Variants in ZNF704 observed in about 807,000 individuals in gnomAD.
ZNF704 encodes glucocorticoid induced gene 1.
ZNF704 carries 10 observed loss-of-function variants against 44.7 expected under a neutral mutation model. That is an observed-to-expected ratio of 0.22 (90% CI 0.14 to 0.38). The LOEUF (loss-of-function observed/expected upper bound fraction) is 0.38. Ranked by LOEUF, ZNF704 falls within the 10% of genes least tolerant of loss-of-function variation. The pLI, the probability that ZNF704 is intolerant of heterozygous loss-of-function variation, is 1.00. For missense variants in ZNF704, 390 were observed against 545.5 expected (o/e 0.71, Z 2.84); for synonymous variants, 211 against 207.6 (o/e 1.02, Z -0.14).
intron 1 of ZNF704, among the ~76,000 whole-genome samples, chr8:80,826,413 C>A (rs571522286): frequency 6.6e-5 from 10 of 152,174 alleles, no homozygotes; most frequent in African/African-American, 2.2e-4. Context: ...CAATAACAGG[C>A]TCTGAAATTG....
At chr8:80,856,298 G>C (rs371007723) in intron 1 of ZNF704, among the ~76,000 whole-genome samples, 88 of 152,194 alleles carry the variant, frequency 5.8e-4, no homozygotes, top group South Asian at 1.0e-3. Flanking sequence ...TACTTCAGAA[G>C]AATAACTTGT....
chr8:80,719,754 A>T (rs1819133459), intron 2 of ZNF704, among the ~76,000 whole-genome samples: 1 of 152,196 alleles, frequency 6.6e-6, no homozygotes, highest in Non-Finnish European at 1.5e-5. Context: ...GGATGGGAGA[A>T]AGCAGGTCAC....
At chr8:80,880,678 A>G in the ZNF704 span, among the ~76,000 whole-genome samples, 1 of 152,250 alleles carries the variant, frequency 6.6e-6, no homozygotes, top group African/African-American at 2.4e-5. Flanking sequence ...ATATGCATGA[A>G]TATTTTTATA....
intron 2 of ZNF704, among the ~76,000 whole-genome samples, chr8:80,762,244 T>C (rs1807144393): frequency 6.6e-6 from 1 of 152,194 alleles, no homozygotes; most frequent in African/African-American, 2.4e-5. Flanking sequence ...AAGTCATAAG[T>C]GACTGAATAG....
intron 2 of ZNF704, among the ~76,000 whole-genome samples, chr8:80,795,672 C>A (rs1191847480): frequency 1.3e-5 from 2 of 148,378 alleles, no homozygotes; most frequent in Non-Finnish European, 3.0e-5. Context: ...GAGCCGAGAT[C>A]GTGCCATTGC....
intron 1 of ZNF704, among the ~76,000 whole-genome samples, chr8:80,845,485 C>A (rs983223322): frequency 1.3e-5 from 2 of 152,212 alleles, no homozygotes; most frequent in Non-Finnish European, 2.9e-5. Context: ...CTGCATCCCT[C>A]TGTTAAGGAC....
chr8:80,748,341 T>C (rs1294423354), intron 2 of ZNF704, among the ~76,000 whole-genome samples: 1 of 152,138 alleles, frequency 6.6e-6, no homozygotes, highest in Non-Finnish European at 1.5e-5. Context: ...AAGAAATGTG[T>C]CTGGTGAAGT....
chr8:80,769,808 C>T (rs999688828), intron 2 of ZNF704, among the ~76,000 whole-genome samples: 5 of 152,310 alleles, frequency 3.3e-5, no homozygotes, highest in Admixed American at 1.3e-4. Context: ...GCTGCTTCCA[C>T]ATTTTCAGGT....
At position 80,840,103 on chromosome 8, in the gene ZNF704, T is replaced by C. The variant is rs533624203; in HGVS notation, c.-21-18488A>G. 7.2e-5 allele frequency among the ~76,000 whole-genome samples: 11 copies of C among 152,214 alleles called. No homozygotes were observed. The South Asian group carries it at 1.0e-3, about 14-fold the overall frequency. On this transcript the variant is annotated intron_variant, in intron 1 of 8. Coordinates refer to ENST00000327835, the MANE Select transcript of ZNF704 (RefSeq NM_001033723.3). ...TGTTTATTGAATTAATGTAATTAAGTAAAGATAATATGGCAATGAGGCCAG... is the reference window on the plus strand; with the variant it reads ...TGTTTATTGAATTAATGTAATTAAGCAAAGATAATATGGCAATGAGGCCAG...
chr8:80,779,636 T>A (rs532313293), intron 2 of ZNF704, among the ~76,000 whole-genome samples: 1 of 152,162 alleles, frequency 6.6e-6, no homozygotes, highest in Non-Finnish European at 1.5e-5. Context: ...TCATCTTCAC[T>A]TGTCTCTCAA....
chr8:80,659,063 C>A (rs574296989), intron 7 of ZNF704, among the ~76,000 whole-genome samples: 1 of 152,234 alleles, frequency 6.6e-6, no homozygotes, highest in South Asian at 2.1e-4. Flanking sequence ...CAAATCAATT[C>A]TTATGTACTA....
intron 2 of ZNF704, among the ~76,000 whole-genome samples, chr8:80,790,281 C>A (rs1420131305): frequency 6.6e-6 from 1 of 152,150 alleles, no homozygotes; most frequent in Non-Finnish European, 1.5e-5. Context: ...AGGGTTGTGA[C>A]TCCGTGGCCT....
At chr8:80,752,271 A>G (rs1806957121) in intron 2 of ZNF704, among the ~76,000 whole-genome samples, 1 of 152,146 alleles carries the variant, frequency 6.6e-6, no homozygotes. Context: ...TGATCTGCAA[A>G]ACTGTCACTT....
At chr8:80,705,059 A>T (rs1818874060) in intron 2 of ZNF704, among the ~76,000 whole-genome samples, 1 of 151,686 alleles carries the variant, frequency 6.6e-6, no homozygotes, top group East Asian at 1.9e-4. Context: ...ATTGGAGGAC[A>T]CCCCCCTGCA....
At chr8:80,697,057 C>G (rs1458493695) in intron 2 of ZNF704, among the ~76,000 whole-genome samples, 2 of 152,184 alleles carry the variant, frequency 1.3e-5, no homozygotes, top group African/African-American at 4.8e-5. Flanking sequence ...GTTCCTGAAG[C>G]TGACCTGGCT....
chr8:80,840,527 C>T (rs867383308), intron 1 of ZNF704, among the ~76,000 whole-genome samples: 1 of 152,148 alleles, frequency 6.6e-6, no homozygotes, highest in Non-Finnish European at 1.5e-5. Flanking sequence ...TAAGCCCTTA[C>T]GAAGTATAAG....
At chr8:80,874,913 C>G (rs1283585014), upstream of ZNF704, 1 of 152,190 alleles carries the variant, frequency 6.6e-6, no homozygotes, top group African/African-American at 2.4e-5. This position sits in a 1 kb window ranked among gnomAD's most constrained non-coding sequence, Gnocchi z 4.4. Flanking sequence ...GAACGCACCA[C>G]TCTAGGCCCT....
intron 7 of ZNF704, among the ~76,000 whole-genome samples, chr8:80,649,978 G>A (rs776143059): frequency 9.8e-5 from 15 of 152,302 alleles, no homozygotes; most frequent in East Asian, 3.9e-4. Flanking sequence ...CCAGAGGAAC[G>A]ATCAGGCAGC....
chr8:80,718,595 G>T (rs73273083), intron 2 of ZNF704, among the ~76,000 whole-genome samples: 1 of 151,992 alleles, frequency 6.6e-6, no homozygotes, highest in Admixed American at 6.6e-5. Flanking sequence ...AGAAGAACAC[G>T]CCTGGGCTGG....
Sources: gnomAD v4.1 joint callset for allele counts (sites outside exome capture counted in the v4.1 genomes callset) on GRCh38, gnomAD v4.1.1 for gene constraint, Gnocchi (gnomAD v3.1) non-coding constraint, MANE v1.5 for transcripts, NCBI Gene and HGNC (gene_info 2026-07-23, HGNC 2026-07-21) for gene names.